GRID2: variants seen among roughly 807,000 people sequenced by gnomAD.
GRID2 encodes glutamate ionotropic receptor delta type subunit 2.
Under a neutral mutation model 114.8 loss-of-function variants are expected in GRID2, and 33 were observed. The ratio of observed to expected loss-of-function variants is 0.29; its 90% CI spans 0.22 to 0.38. The LOEUF is 0.38. Among genes scored for constraint, GRID2 ranks in the 10% least tolerant of loss-of-function variants. The pLI is 1.00. For synonymous variants in GRID2, 505 were observed against 449.9 expected, an observed-to-expected ratio of 1.12 and a Z score of -1.55; for missense variants, 1,184 against 1,257.7, an observed-to-expected ratio of 0.94 and a Z score of 0.89.
At chr4:92,894,246 C>T (rs755500601) in intron 2 of GRID2, among the ~76,000 whole-genome samples, 4 of 152,020 alleles carry the variant, frequency 2.6e-5, no homozygotes, top group Admixed American at 6.6e-5. Context: ...TCTCCTTTAC[C>T]GTGTTATGGT....
rs528067287 is a variant in GRID2 at position 93,167,844 on chromosome 4, A to G, written c.736-39560A>G. On this transcript the variant is annotated intron_variant, in intron 4 of 15. Transcript: ENST00000282020. ...ATATTTTAGAGATGCATTCTGAAAA[A>G]TTTTATAGATTTGTTTCAAAGTAAC... Among the ~76,000 whole-genome samples, 36 of 152,172 alleles carry G rather than the reference A, an allele frequency of 2.4e-4. 1 individual carries two copies. The highest frequency in any genetic ancestry group is 8.2e-4 in the African/African-American group (34 of 41,528).
At chr4:92,520,329 A>G (rs1360636138) in intron 1 of GRID2, among the ~76,000 whole-genome samples, 1 of 151,796 alleles carries the variant, frequency 6.6e-6, no homozygotes, top group Non-Finnish European at 1.5e-5. Context: ...AGGAAATAAG[A>G]GAAGGAAGAA....
At chr4:93,075,352 C>T (rs1323225061) in intron 2 of GRID2, among the ~76,000 whole-genome samples, 1 of 152,128 alleles carries the variant, frequency 6.6e-6, no homozygotes, top group African/African-American at 2.4e-5. Context: ...AGTCCAAAAA[C>T]CTTCAGGTTA....
At chr4:93,399,380 G>A (rs1579954687) in intron 9 of GRID2, among the ~76,000 whole-genome samples, 2 of 152,040 alleles carry the variant, frequency 1.3e-5, no homozygotes, top group South Asian at 2.1e-4. Flanking sequence ...TGACTTGAAA[G>A]AAATAACTTC....
intron 2 of GRID2, among the ~76,000 whole-genome samples, chr4:92,885,587 T>C (rs1248654370): frequency 6.6e-6 from 1 of 152,198 alleles, no homozygotes; most frequent in Admixed American, 6.5e-5. Flanking sequence ...TTCCTTGCTT[T>C]TGTCTGTGAT....
intron 11 of GRID2, among the ~76,000 whole-genome samples, chr4:93,471,461 G>A (rs1334045584): frequency 2.0e-5 from 3 of 151,818 alleles, no homozygotes; most frequent in Non-Finnish European, 4.4e-5. Flanking sequence ...AGGTCTGAGG[G>A]GTCTGAAGAC....
intron 2 of GRID2, among the ~76,000 whole-genome samples, chr4:92,989,774 A>G (rs888557519): frequency 2.6e-5 from 4 of 152,204 alleles, no homozygotes; most frequent in African/African-American, 7.2e-5. Context: ...ACAATTCATC[A>G]TAATTTATCT....
intron 6 of GRID2, among the ~76,000 whole-genome samples, chr4:93,219,143 C>T (rs1018137296): frequency 1.3e-5 from 2 of 150,886 alleles, no homozygotes; most frequent in Non-Finnish European, 3.0e-5. Flanking sequence ...TGATAGAATT[C>T]TAAATAGAAA....
At chr4:92,446,078 T>G (rs944078392) in intron 1 of GRID2, among the ~76,000 whole-genome samples, 1 of 152,178 alleles carries the variant, frequency 6.6e-6, no homozygotes, top group African/African-American at 2.4e-5. Flanking sequence ...CTGGAGTAGC[T>G]GGGACTACAG....
intron 9 of GRID2, among the ~76,000 whole-genome samples, chr4:93,400,453 T>C (rs765088406): frequency 2.0e-5 from 3 of 152,122 alleles, no homozygotes; most frequent in Non-Finnish European, 4.4e-5. Context: ...AAAGGAATTA[T>C]GAAGATTTTC....
intron 2 of GRID2, among the ~76,000 whole-genome samples, chr4:92,991,107 A>G (rs1754877798): frequency 6.6e-6 from 1 of 152,126 alleles, no homozygotes; most frequent in South Asian, 2.1e-4. Flanking sequence ...ATTATTTTTT[A>G]TGAATTTAAA....
chr4:92,948,516 T>C (rs1016056391), intron 2 of GRID2, among the ~76,000 whole-genome samples: 1 of 151,956 alleles, frequency 6.6e-6, no homozygotes, highest in Non-Finnish European at 1.5e-5. Context: ...CTTTTTTCTC[T>C]TCTACTTTGT....
chr4:92,904,802 C>T (rs1178408903), intron 2 of GRID2, among the ~76,000 whole-genome samples: 1 of 151,846 alleles, frequency 6.6e-6, no homozygotes, highest in Non-Finnish European at 1.5e-5. Flanking sequence ...AGAGAAAGAA[C>T]TTTAGATTAA....
At chr4:93,716,761 C>T (rs541128588) in intron 14 of GRID2, among the ~76,000 whole-genome samples, 6 of 152,092 alleles carry the variant, frequency 3.9e-5, no homozygotes, top group Non-Finnish European at 8.8e-5. Context: ...TTCTAGCATG[C>T]CTTATATCTA....
intron 14 of GRID2, among the ~76,000 whole-genome samples, chr4:93,665,585 T>C (rs1373060203): frequency 6.6e-6 from 1 of 152,202 alleles, no homozygotes; most frequent in Non-Finnish European, 1.5e-5. Flanking sequence ...GCTATTTTGT[T>C]TGTACACTTC....
intron 1 of GRID2, among the ~76,000 whole-genome samples, chr4:92,411,761 A>G (rs1012712493): frequency 6.7e-6 from 1 of 150,204 alleles, no homozygotes; most frequent in Non-Finnish European, 1.5e-5. Context: ...GCTGGAGTGC[A>G]GTGGCGCGAT....
chr4:93,571,352 A>G (rs1333361389), intron 13 of GRID2, among the ~76,000 whole-genome samples: 1 of 152,142 alleles, frequency 6.6e-6, no homozygotes, highest in Non-Finnish European at 1.5e-5. Flanking sequence ...TATAATGTAT[A>G]TAGTATATAT....
At chr4:92,716,485 G>A (rs757378582) in intron 2 of GRID2, among the ~76,000 whole-genome samples, 15 of 152,302 alleles carry the variant, frequency 9.8e-5, no homozygotes, top group South Asian at 8.3e-4. Flanking sequence ...TGGATAGTAC[G>A]TTGTAAAGGA....
intron 8 of GRID2, among the ~76,000 whole-genome samples, chr4:93,311,245 C>G (rs1279962065): frequency 6.6e-6 from 1 of 152,094 alleles, no homozygotes; most frequent in Non-Finnish European, 1.5e-5. Flanking sequence ...CTCAAATTCT[C>G]AGGCTGGCTA....
Sources: gnomAD v4.1 joint callset for allele counts (sites outside exome capture counted in the v4.1 genomes callset) on GRCh38, gnomAD v4.1.1 for gene constraint, MANE v1.5 for transcripts, NCBI Gene and HGNC (gene_info 2026-07-23, HGNC 2026-07-21) for gene names.